Variants in GOLIM4 observed in about 807,000 individuals in gnomAD.
The protein encoded by GOLIM4 is golgi integral membrane protein 4.
GOLIM4 carries 71 observed loss-of-function variants against 107.4 expected under a neutral mutation model. That is an observed-to-expected ratio of 0.66 (90% CI 0.55 to 0.81). The LOEUF (loss-of-function observed/expected upper bound fraction) is 0.81, where lower values mean the gene tolerates loss of function less well. Among genes scored for constraint, GOLIM4 ranks in the 30% least tolerant of loss-of-function variants. The pLI is 0.00. For synonymous variants in GOLIM4, 327 were observed against 294.8 expected, an observed-to-expected ratio of 1.11 and a Z score of -1.12; for missense variants, 830 against 826.1, an observed-to-expected ratio of 1.00 and a Z score of -0.06.
In GOLIM4 at chr3:168,048,297, T is replaced by G. The variant is rs1267050187; in HGVS notation, c.256A>C (p.Lys86Gln). 1 of 1,459,332 alleles carries G rather than the reference T, an allele frequency of 6.9e-7. No homozygotes were observed. The allele number at this position is 1,459,332 out of a possible 1,614,324, so 90.4% of individuals were successfully genotyped here. The change falls in exon 2 of 16, where the codon AAG (lysine) becomes CAG (glutamine). Residue 86 changes from lysine to glutamine, a missense_variant. Physicochemically the swap from Lys to Gln is moderately conservative, Grantham distance 53. Transcript: ENST00000470487. ...AAATTATGTATTTACTTACCTTCCTTTGCTTTTTTATGTTCAAGTCTTTCT... is the reference window on the plus strand; with the variant it reads ...AAATTATGTATTTACTTACCTTCCTGTGCTTTTTTATGTTCAAGTCTTTCT... Reference protein sequence around the residue: ...QKERLEHKKAKEDFLVYKLEA... With the variant: ...QKERLEHKKAQEDFLVYKLEA...
intron 1 of GOLIM4, among the ~76,000 whole-genome samples, chr3:168,054,557 T>C (rs1719833261): frequency 6.6e-6 from 1 of 152,226 alleles, no homozygotes; most frequent in Non-Finnish European, 1.5e-5. Flanking sequence ...TCTCCTTTCC[T>C]ACATTATTTT....
At chr3:168,043,570 AATT>A in intron 4 of GOLIM4, 41 bp from the exon 5 acceptor site, 1 of 1,534,858 alleles carries the variant, frequency 6.5e-7, no homozygotes. Context: ...ACATTCTCTG[AATT>A]ATATGAGAGT....
At position 168,048,339 on chromosome 3, in the gene GOLIM4, C is replaced by CT; in HGVS notation, c.213dup (p.Glu72ArgfsTer10). 1 of 1,540,488 alleles carries CT rather than the reference C, an allele frequency of 6.5e-7. No individual in the cohort carries two copies. The highest frequency in any genetic ancestry group is 2.3e-5 in the East Asian group (1 of 44,208). ...AGTCTTTCTTTTTGCAAGGATTTCT[C>CT]TAATCTTGATCTGTGTTCATATACA... On this transcript the variant is annotated frameshift_variant, in exon 2 of 16. Coordinates refer to ENST00000470487, the MANE Select transcript of GOLIM4 (RefSeq NM_014498.5). LOFTEE classifies it high-confidence loss of function.
In GOLIM4 at chr3:168,095,567, AGCCGGCTGCCCTCGC is replaced by A; in HGVS notation, c.-297_-283del. On this transcript the variant is annotated 5_prime_UTR_variant, in exon 1 of 16. Transcript: ENST00000470487. ...GGAGGAGGCCCTCCGCATACTTCAGAGCCGGCTGCCCTCGCGCCTGTCCCCAGATGCCTCCTGCCT... is the reference window on the plus strand; with the variant it reads ...GGAGGAGGCCCTCCGCATACTTCAGAGCCTGTCCCCAGATGCCTCCTGCCT... 1 of 407,224 alleles carries A rather than the reference AGCCGGCTGCCCTCGC, an allele frequency of 2.5e-6. No homozygotes were observed. Among genetic ancestry groups the A allele is most frequent in the Non-Finnish European group, 4.4e-6 (1 of 228,072 alleles). 25.2% of individuals were successfully genotyped at this position (407,224 alleles called of 1,614,324 possible). A position where few individuals can be genotyped will look rare whatever the true frequency, so the allele number is the denominator to read the frequency against.
chr3:168,079,647 T>G (rs1721243958), intron 1 of GOLIM4, among the ~76,000 whole-genome samples: 1 of 152,186 alleles, frequency 6.6e-6, no homozygotes, highest in African/African-American at 2.4e-5. Flanking sequence ...CCCAATACTT[T>G]GTTCAGGGTT....
At chr3:168,022,097 T>C (rs1717724806) in intron 14 of GOLIM4, among the ~76,000 whole-genome samples, 2 of 152,136 alleles carry the variant, frequency 1.3e-5, no homozygotes, top group African/African-American at 4.8e-5. Flanking sequence ...GGCAGAGTAG[T>C]ATAAATTTCC....
Position 168,029,769 on chromosome 3 carries a change from G to T in GOLIM4, c.1433+11C>A, listed in dbSNP as rs765081097. ...GGGCTGTCTTCGTTCATTAAGGAAG[G>T]GGAAGGCTACCGGAGCTGCTCCTGG... On this transcript the variant is annotated intron_variant, in intron 10 of 15. Coordinates refer to ENST00000470487, the MANE Select transcript of GOLIM4 (RefSeq NM_014498.5). 5.6e-6 allele frequency: 9 copies of T among 1,610,764 alleles called. 1 individual carries two copies. The Admixed American group carries it at 1.3e-4, about 24-fold the overall frequency.
At chr3:168,084,334 G>T (rs910524773) in intron 1 of GOLIM4, among the ~76,000 whole-genome samples, 1 of 152,158 alleles carries the variant, frequency 6.6e-6, no homozygotes, top group African/African-American at 2.4e-5. Flanking sequence ...GCCAGTCTCA[G>T]GTAGTTCTTT....
chr3:168,010,369 T>C lies in GOLIM4; in HGVS notation c.1991A>G (p.Asn664Ser), dbSNP rs568952679. The C allele has an allele frequency of 5.6e-6, 9 of 1,612,930 alleles. No homozygotes were observed. Among genetic ancestry groups the C allele is most frequent in the South Asian group, 1.1e-5 (1 of 90,998 alleles). ...DGEEQEVRDD[N>S]RPKGREEHYE... ...GTGTTCCTCTCGGCCTTTGGGGCGG[T>C]TGTCATCTCGAACTTCTTGCTCTTC... The change falls in exon 16 of 16, where the codon AAC (asparagine) becomes AGC (serine). Residue 664 changes from asparagine (N) to serine (S), a missense_variant. Physicochemically the swap from Asn to Ser is conservative, Grantham distance 46. Coordinates refer to ENST00000470487, the MANE Select transcript of GOLIM4 (RefSeq NM_014498.5).
intron 1 of GOLIM4, among the ~76,000 whole-genome samples, chr3:168,086,782 C>T (rs182562860): frequency 5.8e-4 from 88 of 152,136 alleles, no homozygotes; most frequent in African/African-American, 2.0e-3. Flanking sequence ...TCTGCATATG[C>T]ACTCATGGGC....
chr3:168,011,528 G>C, intron 14 of GOLIM4, among the ~76,000 whole-genome samples: 1 of 151,802 alleles, frequency 6.6e-6, no homozygotes, highest in Admixed American at 6.6e-5. Context: ...AGCTCCAACT[G>C]GGCGGAGCCC....
intron 4 of GOLIM4, among the ~76,000 whole-genome samples, chr3:168,044,396 T>C (rs1430038645): frequency 1.3e-5 from 2 of 152,150 alleles, no homozygotes; most frequent in Non-Finnish European, 2.9e-5. Flanking sequence ...CTTTAAATAA[T>C]AATTTGTGTT....
chr3:168,052,564 G>A (rs978700301), intron 1 of GOLIM4, among the ~76,000 whole-genome samples: 1 of 151,916 alleles, frequency 6.6e-6, no homozygotes. Context: ...AAATAAAAAC[G>A]GAAAGACAGT....
At chr3:168,062,573 T>C (rs915956613) in intron 1 of GOLIM4, among the ~76,000 whole-genome samples, 8 of 152,152 alleles carry the variant, frequency 5.3e-5, no homozygotes, top group African/African-American at 1.9e-4. Flanking sequence ...AACAGGGTCA[T>C]GTGGGGCTAA....
chr3:168,092,328 TA>T (rs1215946937), intron 1 of GOLIM4, among the ~76,000 whole-genome samples: 3 of 152,176 alleles, frequency 2.0e-5, no homozygotes, highest in Non-Finnish European at 4.4e-5. Context: ...CAGACATAGA[TA>T]TTTTTATAGT....
At position 168,010,285 on chromosome 3, in the gene GOLIM4, C is replaced by A. The variant is rs746599726; in HGVS notation, c.2075G>T (p.Arg692Leu). 7 of 1,612,542 alleles carry A rather than the reference C, an allele frequency of 4.3e-6. No individual in the cohort carries two copies. The South Asian group carries it at 6.6e-5, about 15-fold the overall frequency. ...DGAAVAEKSH[R>L]RAEM ...TGGGTGCCGCTACATTTCAGCTCTT[C>A]GATGTGATTTCTCAGCAACTGCAGC... The change falls in exon 16 of 16, where the codon CGA becomes CTA. Residue 692 changes from arginine (R) to leucine (L), a missense_variant. Arg to Leu is a moderately radical substitution (Grantham distance 102, BLOSUM62 -2). Transcript: ENST00000470487.
At chr3:168,035,783 A>G (rs866959186) in intron 8 of GOLIM4, among the ~76,000 whole-genome samples, 2 of 152,310 alleles carry the variant, frequency 1.3e-5, no homozygotes, top group Middle Eastern at 6.8e-3. Flanking sequence ...CCTGAACTTA[A>G]AAGTTTAAAA....
At position 168,076,629 on chromosome 3, in the gene GOLIM4, T is replaced by C. The variant is rs868703127; in HGVS notation, c.187+18470A>G. Among the ~76,000 whole-genome samples the C allele has an allele frequency of 9.1e-4, 138 of 152,294 alleles. 1 individual carries two copies. Among genetic ancestry groups the C allele is most frequent in the African/African-American group, 3.2e-3 (133 of 41,542 alleles). On this transcript the variant is annotated intron_variant, in intron 1 of 15. Transcript: ENST00000470487. ...TTGCTTGAACCTGGGAGGCAGAGGT[T>C]GCAGTGAGCCAAGATTGCACCACTA...
At chr3:168,075,286 GTTTTTTTT>G (rs374374393) in intron 1 of GOLIM4, among the ~76,000 whole-genome samples, 1 of 94,224 alleles carries the variant, frequency 1.1e-5, no homozygotes, top group Non-Finnish European at 2.1e-5. Flanking sequence ...ACATTCACTA[GTTTTTTTT>G]TTTTTTTTTT....
Sources: allele counts gnomAD v4.1 joint callset (sites outside exome capture counted in the v4.1 genomes callset), GRCh38; gene constraint gnomAD v4.1.1; transcripts MANE v1.5; gene names NCBI Gene and HGNC (gene_info 2026-07-23, HGNC 2026-07-21).